The following KLK15 variants were observed in gnomAD, a reference collection of about 807,000 sequenced individuals.
KLK15 encodes kallikrein related peptidase 15.
In KLK15, 19 loss-of-function variants were observed where a neutral mutation model predicts 21.1. The ratio of observed to expected loss-of-function variants is 0.90; its 90% CI spans 0.63 to 1.32. The LOEUF (loss-of-function observed/expected upper bound fraction) is 1.32. Among genes scored for constraint, KLK15 ranks in the 40% most tolerant of loss-of-function variants. The probability of loss-of-function intolerance (pLI) is 0.00; values close to 1 mark genes in which losing one functional copy is unlikely to be tolerated. For missense variants in KLK15, 345 were observed against 348.6 expected, an observed-to-expected ratio of 0.99 and a Z score of 0.08; for synonymous variants, 141 against 141.5, an observed-to-expected ratio of 1.00 and a Z score of 0.03.
At chr19:50,827,247 A>AGAACGTTAATGGAAGTCC in intron 2 of KLK15, 86 bp from the exon 4 acceptor site, 11 of 1,346,114 alleles carry the variant, frequency 8.2e-6, no homozygotes, top group Non-Finnish European at 9.1e-6. Context: ...AAGAGTGGGC[A>AGAACGTTAATGGAAGTCC]ACCCGAGGTC....
chr19:50,825,861 G>C lies in KLK15; in HGVS notation c.706C>G (p.Pro236Ala), dbSNP rs528884067. ...TGGCAGACTTTGGTATAGACACCAG[G>C]CTTGGTGGTGTTGTCACAAGGGACG... Residue 236 changes from proline to alanine, a missense_variant, in exon 5 of 5, where the codon CCT (proline) becomes GCT (alanine). Pro to Ala is a conservative substitution (Grantham distance 27). Transcript: ENST00000598239. 4.9e-4 allele frequency: 790 copies of C among 1,613,928 alleles called. 20 individuals are homozygous for C. In the South Asian group the frequency reaches 8.3e-3, roughly 17 times the overall value.
exon 5 of KLK15, chr19:50,825,873 T>C (rs2089870884): frequency 6.2e-7 from 1 of 1,613,856 alleles, no homozygotes; most frequent in African/African-American, 1.3e-5. Context: ...TTGGTGGTGT[T>C]GTCACAAGGG....
chr19:50,826,052 C>T, intron 4 of KLK15, 104 bp from the exon 6 acceptor site: 1 of 1,181,444 alleles, frequency 8.5e-7, no homozygotes, highest in Non-Finnish European at 1.2e-6. Context: ...CATCCCCATC[C>T]CAGGGAACCC....
At chr19:50,831,311 T>A (rs1189827635) in intron 1 of KLK15, 139 bp downstream of exon 2, 4 of 593,144 alleles carry the variant, frequency 6.7e-6, no homozygotes, top group Admixed American at 8.6e-5. Context: ...CTTAGGGACA[T>A]TGGCACAGGT....
Position 50,827,654 on chromosome 19 carries a change from C to G in KLK15, c.197+8G>C, listed in dbSNP as rs759546364. On this transcript the variant is annotated splice_region_variant and intron_variant, in intron 2 of 4. Transcript: ENST00000598239. ...CTCCCTCAGGACCCTGAGCCCCTGC[C>G]TTCATACCGGCTTTGGCAGTGGGCC... The G allele has an allele frequency of 3.7e-6, 6 of 1,610,230 alleles. No homozygotes were observed. In the South Asian group the frequency reaches 6.6e-5, roughly 18 times the overall value.
exon 5 of KLK15, chr19:50,825,801 T>G (rs1241322562): frequency 6.2e-7 from 1 of 1,613,464 alleles, no homozygotes; most frequent in African/African-American, 1.3e-5. Flanking sequence ...AATAGTCAGT[T>G]CCTCTTCATG....
At chr19:50,831,617 A>T, upstream of KLK15, 3 of 708,542 alleles carry the variant, frequency 4.2e-6, no homozygotes, top group Non-Finnish European at 6.3e-6. Flanking sequence ...CACTGTTAAT[A>T]AATTTCTTCT....
chr19:50,830,939 A>G (rs1378102275), intron 1 of KLK15, among the ~76,000 whole-genome samples: 9 of 152,192 alleles, frequency 5.9e-5, no homozygotes, highest in Non-Finnish European at 4.4e-5. Context: ...ACACACAACC[A>G]CATTTAATCC....
At chr19:50,831,681 C>A (rs1455806098), upstream of KLK15, among the ~76,000 whole-genome samples, 1 of 152,142 alleles carries the variant, frequency 6.6e-6, no homozygotes, top group Admixed American at 6.5e-5. Flanking sequence ...TCTGGGTCCC[C>A]CATCTCTGGA....
Position 50,825,954 on chromosome 19 carries a change from G to GTTTC in KLK15, c.619-7_619-6insGAAA, listed in dbSNP as rs745946061. On this transcript the variant is annotated splice_polypyrimidine_tract_variant and splice_region_variant and intron_variant, in intron 4 of 4. Transcript: ENST00000598239. The stretch of plus-strand genomic sequence containing the variant: ...AGGGGTCCCCCAGAGTCACCCTGTG[G>GTTTC]GGAAAAGAGGGGGTCTCAGGTTGAG... The GTTTC allele has an allele frequency of 6.2e-7, 1 of 1,608,832 alleles. No homozygotes were observed. Among genetic ancestry groups the GTTTC allele is most frequent in the Admixed American group, 1.7e-5 (1 of 59,572 alleles).
chr19:50,826,534 C>T, intron 4 of KLK15, 87 bp downstream of exon 5: 2 of 1,462,024 alleles, frequency 1.4e-6, no homozygotes, highest in South Asian at 2.8e-5. Flanking sequence ...TTCTCTGGCC[C>T]AAAGCAAAGA....
chr19:50,826,482 A>G (rs1489148422), intron 4 of KLK15, 139 bp downstream of exon 5: 2 of 1,046,384 alleles, frequency 1.9e-6, no homozygotes, highest in African/African-American at 1.6e-5. Context: ...CCCCTATTCT[A>G]ACTTCTCTTC....
intron 1 of KLK15, among the ~76,000 whole-genome samples, 200 bp from the exon 3 acceptor site, chr19:50,828,015 T>C (rs2089915450): frequency 6.6e-6 from 1 of 151,496 alleles, no homozygotes; most frequent in Non-Finnish European, 1.5e-5. Context: ...TGCAGTGGCA[T>C]GATCTCAGCT....
upstream of KLK15, among the ~76,000 whole-genome samples, chr19:50,831,754 C>G (rs1424717753): frequency 1.3e-5 from 2 of 152,118 alleles, no homozygotes; most frequent in African/African-American, 4.8e-5. Context: ...CTGTCAGCCT[C>G]CAGCACCATG....
chr19:50,825,607 T>C (rs1405559324), downstream of KLK15: 9 of 513,772 alleles, frequency 1.8e-5, no homozygotes, highest in Non-Finnish European at 3.0e-5. Context: ...CAGCGCTTTG[T>C]TATCTTGGCA....
rs1444966156 is a variant in KLK15 at position 50,826,424 on chromosome 19, C to G, written c.618+197G>C. ...CATCTCAAACTAACTATCACATTATCCACCTCAAACAACGCAATCCCCACC... is the reference window on the plus strand; with the variant it reads ...CATCTCAAACTAACTATCACATTATGCACCTCAAACAACGCAATCCCCACC... On this transcript the variant is annotated intron_variant, in intron 4 of 4. Coordinates refer to ENST00000598239, the Ensembl canonical transcript of KLK15. 5.3e-6 allele frequency: 3 copies of G among 565,812 alleles called. No homozygotes were observed. In the African/African-American group the frequency reaches 5.7e-5, roughly 11 times the overall value. The allele number at this position is 565,812 out of a possible 1,614,324, so 35.0% of individuals were successfully genotyped here. A position where few individuals can be genotyped will look rare whatever the true frequency, so the allele number is the denominator to read the frequency against.
intron 1 of KLK15, 44 bp downstream of exon 2, chr19:50,831,406 G>T (rs1259076397): frequency 4.4e-6 from 6 of 1,353,858 alleles, no homozygotes; most frequent in Non-Finnish European, 5.8e-6. Context: ...TGGGAAGGGG[G>T]CACCTGCTCC....
intron 1 of KLK15, among the ~76,000 whole-genome samples, chr19:50,828,659 G>A (rs114778988): frequency 0.014 from 2,084 of 151,672 alleles, 82 homozygotes; most frequent in African/African-American, 0.047. Context: ...CATGCACATG[G>A]GTTGCAGCTT....
chr19:50,832,312 C>T (rs1050892480), upstream of KLK15, among the ~76,000 whole-genome samples: 120 of 101,238 alleles, frequency 1.2e-3, 1 homozygote, highest in Non-Finnish European at 2.1e-3. Context: ...CACTTTCTTT[C>T]TTTTTTTTTC....
Sources: allele counts gnomAD v4.1 joint callset (sites outside exome capture counted in the v4.1 genomes callset), GRCh38; gene constraint gnomAD v4.1.1; transcripts MANE v1.5; gene names NCBI Gene and HGNC (gene_info 2026-07-23, HGNC 2026-07-21).